MICU3: variants seen among roughly 807,000 people sequenced by gnomAD.
MICU3 encodes the protein mitochondrial calcium uptake 3, also known as calcium uptake protein 3, mitochondrial.
Under a neutral mutation model 66.5 loss-of-function variants are expected in MICU3, and 62 were observed. That is an observed-to-expected ratio of 0.93 (90% CI 0.76 to 1.15). The LOEUF is 1.15. Ranked by LOEUF, MICU3 falls within the 50% of genes most tolerant of loss-of-function variation. The pLI is 0.00. For missense variants in MICU3, 779 were observed against 664.4 expected, an observed-to-expected ratio of 1.17 and a Z score of -1.90; for synonymous variants, 308 against 240.7, an observed-to-expected ratio of 1.28 and a Z score of -2.59.
chr8:17,030,412 G>C (rs1424754147), intron 1 of MICU3, among the ~76,000 whole-genome samples: 5 of 152,152 alleles, frequency 3.3e-5, no homozygotes, highest in Non-Finnish European at 7.3e-5. Context: ...GTATTTTACA[G>C]CTCTTTTTCT....
chr8:17,123,644 T>C (rs1803324279), downstream of MICU3, among the ~76,000 whole-genome samples: 1 of 152,098 alleles, frequency 6.6e-6, no homozygotes, highest in Non-Finnish European at 1.5e-5. Flanking sequence ...TAGAGAAATA[T>C]CTCACAGTTT....
the MICU3 span, among the ~76,000 whole-genome samples, chr8:17,130,258 C>A: frequency 6.6e-6 from 1 of 152,180 alleles, no homozygotes; most frequent in South Asian, 2.1e-4. Flanking sequence ...GGCGCGGTGG[C>A]TCACACCTGT....
chr8:17,128,229 T>TATACACAC, the MICU3 span, among the ~76,000 whole-genome samples: 1 of 144,460 alleles, frequency 6.9e-6, no homozygotes, highest in Non-Finnish European at 1.5e-5. Context: ...GAGATCAGTG[T>TATACACAC]ACACACACAC....
At chr8:17,062,325 T>C (rs1817958017) in intron 1 of MICU3, among the ~76,000 whole-genome samples, 1 of 152,190 alleles carries the variant, frequency 6.6e-6, no homozygotes, top group Admixed American at 6.5e-5. Flanking sequence ...TTTGTGCCTT[T>C]TGTCTCTCCA....
intron 1 of MICU3, among the ~76,000 whole-genome samples, chr8:17,029,019 T>C (rs1441219984): frequency 1.3e-5 from 2 of 152,240 alleles, no homozygotes; most frequent in African/African-American, 4.8e-5. Context: ...GAACTTTGGC[T>C]CCACGACTTG....
At chr8:17,087,421 TAGA>T (rs1799589435) in intron 7 of MICU3, among the ~76,000 whole-genome samples, 1 of 152,016 alleles carries the variant, frequency 6.6e-6, no homozygotes, top group Non-Finnish European at 1.5e-5. Flanking sequence ...TCGAAACGAA[TAGA>T]AGGAGATGAT....
chr8:17,099,753 A>G (rs989889388), intron 9 of MICU3, among the ~76,000 whole-genome samples: 2 of 151,714 alleles, frequency 1.3e-5, no homozygotes, highest in Admixed American at 6.6e-5. Flanking sequence ...AATAAGAGCA[A>G]CTGGGACTCT....
At chr8:17,128,507 G>T in the MICU3 span, among the ~76,000 whole-genome samples, 2 of 152,164 alleles carry the variant, frequency 1.3e-5, no homozygotes, top group African/African-American at 4.8e-5. Context: ...TGAGAAAACT[G>T]TAGGGATTAA....
At chr8:17,105,959 CA>C (rs1162235493) in intron 11 of MICU3, among the ~76,000 whole-genome samples, 1 of 152,034 alleles carries the variant, frequency 6.6e-6, no homozygotes, top group African/African-American at 2.4e-5. Context: ...CTTTCCGTAA[CA>C]CCCTTAATAA....
chr8:17,041,315 T>TA (rs1474658729), intron 1 of MICU3, among the ~76,000 whole-genome samples: 21 of 148,902 alleles, frequency 1.4e-4, no homozygotes. Flanking sequence ...CAAAAAAAGG[T>TA]AATACTATAT....
intron 11 of MICU3, among the ~76,000 whole-genome samples, chr8:17,110,418 C>G (rs748082897): frequency 6.6e-6 from 1 of 151,984 alleles, no homozygotes; most frequent in Non-Finnish European, 1.5e-5. Context: ...AGTCCCTTCC[C>G]GTTTCCTTCT....
intron 1 of MICU3, among the ~76,000 whole-genome samples, chr8:17,028,810 A>G (rs950375667): frequency 1.3e-5 from 2 of 152,076 alleles, no homozygotes; most frequent in African/African-American, 2.4e-5. Context: ...ACAAATACAC[A>G]TCCACTTTTG....
intron 1 of MICU3, among the ~76,000 whole-genome samples, chr8:17,033,603 A>AT (rs1221869606): frequency 4.0e-5 from 6 of 151,770 alleles, no homozygotes; most frequent in African/African-American, 9.7e-5. Flanking sequence ...CACCCAGCTA[A>AT]TTTTTTTGTA....
At chr8:17,133,719 T>C in the MICU3 span, among the ~76,000 whole-genome samples, 1 of 152,204 alleles carries the variant, frequency 6.6e-6, no homozygotes, top group Non-Finnish European at 1.5e-5. Context: ...CCCACAAATA[T>C]CTAACCAACT....
chr8:17,081,179 T>A (rs1821127462), intron 4 of MICU3, among the ~76,000 whole-genome samples: 2 of 152,106 alleles, frequency 1.3e-5, no homozygotes, highest in African/African-American at 4.8e-5. Flanking sequence ...TTGAAGATAA[T>A]TTGAAAGCAG....
intron 1 of MICU3, among the ~76,000 whole-genome samples, chr8:17,060,801 A>ATTTTT (rs35051264): frequency 7.0e-6 from 1 of 142,306 alleles, no homozygotes. Context: ...TTAGGATATA[A>ATTTTT]TTTTTTTTTT....
chr8:17,039,547 C>T (rs1033498735), intron 1 of MICU3, among the ~76,000 whole-genome samples: 8 of 152,122 alleles, frequency 5.3e-5, no homozygotes, highest in Non-Finnish European at 7.4e-5. Context: ...GATTACTTTT[C>T]AGTTTTAGTA....
At chr8:17,028,501 TAAG>T (rs1447094840) in intron 1 of MICU3, among the ~76,000 whole-genome samples, 1 of 152,220 alleles carries the variant, frequency 6.6e-6, no homozygotes, top group Non-Finnish European at 1.5e-5. Context: ...CTAGGAAAAT[TAAG>T]GAGATTTTCC....
chr8:17,118,790 A>G lies in MICU3; in HGVS notation c.*15A>G. Reference sequence around the variant, plus strand: ...ACAGCAGATAAGTATGTTAGCTTCTATTTGTCTAAATTTGTTCAGTAACAA... The same window carrying G: ...ACAGCAGATAAGTATGTTAGCTTCTGTTTGTCTAAATTTGTTCAGTAACAA... On this transcript the variant is annotated intron_variant, in intron 14 of 14. Coordinates refer to ENST00000318063, the MANE Select transcript of MICU3 (RefSeq NM_181723.3). 2 of 1,536,692 alleles carry G rather than the reference A, an allele frequency of 1.3e-6. No homozygotes were observed. Among genetic ancestry groups the G allele is most frequent in the Non-Finnish European group, 9.0e-7 (1 of 1,111,364 alleles).
Sources: gnomAD v4.1 joint callset for allele counts (sites outside exome capture counted in the v4.1 genomes callset) on GRCh38, gnomAD v4.1.1 for gene constraint, MANE v1.5 for transcripts, NCBI Gene and HGNC (gene_info 2026-07-23, HGNC 2026-07-21) for gene names.